CFAP95: variants seen among roughly 807,000 people sequenced by gnomAD.
The protein encoded by CFAP95 is cilia- and flagella-associated protein 95.
chr9:69,894,531 T>C, the CFAP95 span, among the ~76,000 whole-genome samples: 3 of 152,190 alleles, frequency 2.0e-5, no homozygotes, highest in Non-Finnish European at 4.4e-5. Flanking sequence ...CTGGCTTAGT[T>C]ATCTTACATG....
At chr9:69,901,148 T>C in the CFAP95 span, among the ~76,000 whole-genome samples, 1 of 151,588 alleles carries the variant, frequency 6.6e-6, no homozygotes, top group Non-Finnish European at 1.5e-5. Context: ...TTTGGTTTTT[T>C]TTTTTTTGAG....
the CFAP95 span, among the ~76,000 whole-genome samples, chr9:69,821,948 C>A: frequency 6.6e-6 from 1 of 152,088 alleles, no homozygotes; most frequent in Non-Finnish European, 1.5e-5. Flanking sequence ...CGTGTAAGTT[C>A]TTGCTTGGCC....
the CFAP95 span, among the ~76,000 whole-genome samples, chr9:69,892,835 A>T: frequency 6.6e-6 from 1 of 152,176 alleles, no homozygotes; most frequent in African/African-American, 2.4e-5. Context: ...TCAGCCAGGG[A>T]CAGCCGAACT....
the CFAP95 span, among the ~76,000 whole-genome samples, chr9:69,846,313 CA>C: frequency 6.6e-6 from 1 of 152,050 alleles, no homozygotes; most frequent in South Asian, 2.1e-4. Flanking sequence ...GGTCAAGCCT[CA>C]GGTTTAATGA....
At chr9:69,897,863 C>G in the CFAP95 span, among the ~76,000 whole-genome samples, 6 of 152,082 alleles carry the variant, frequency 3.9e-5, no homozygotes, top group African/African-American at 1.4e-4. Flanking sequence ...GAGGACCCTC[C>G]TTTAACATCC....
the CFAP95 span, among the ~76,000 whole-genome samples, chr9:69,901,167 T>TCAGCC: frequency 6.6e-6 from 1 of 151,384 alleles, no homozygotes; most frequent in African/African-American, 2.4e-5. Flanking sequence ...AGATGGAGTC[T>TCAGCC]TGCTCTGTCG....
the CFAP95 span, among the ~76,000 whole-genome samples, chr9:69,899,411 A>G: frequency 1.3e-5 from 2 of 152,236 alleles, no homozygotes; most frequent in African/African-American, 4.8e-5. Context: ...TCTTCAATCC[A>G]TTTAAAGCTT....
At chr9:69,837,193 G>A in the CFAP95 span, among the ~76,000 whole-genome samples, 1 of 152,106 alleles carries the variant, frequency 6.6e-6, no homozygotes, top group Non-Finnish European at 1.5e-5. Flanking sequence ...ATAAATATAC[G>A]TGTGCATGTG....
At chr9:69,857,016 C>T in the CFAP95 span, among the ~76,000 whole-genome samples, 1 of 150,586 alleles carries the variant, frequency 6.6e-6, no homozygotes, top group African/African-American at 2.4e-5. Context: ...TGTTTATAAC[C>T]CAGCTTGTTC....
chr9:69,896,294 A>G, the CFAP95 span, among the ~76,000 whole-genome samples: 3 of 152,242 alleles, frequency 2.0e-5, no homozygotes, highest in Admixed American at 2.0e-4. Flanking sequence ...AAACAAATAT[A>G]TCAACAGCTA....
chr9:69,879,485 G>A, the CFAP95 span, among the ~76,000 whole-genome samples: 3 of 152,088 alleles, frequency 2.0e-5, no homozygotes, highest in Admixed American at 2.0e-4. Flanking sequence ...GGTTCGGGGG[G>A]AAAAGCTATA....
chr9:69,825,998 C>T, the CFAP95 span, among the ~76,000 whole-genome samples: 3 of 152,092 alleles, frequency 2.0e-5, no homozygotes, highest in African/African-American at 4.8e-5. Flanking sequence ...GGGAGTTTCG[C>T]TTCCTGTCTC....
At chr9:69,833,537 T>C in the CFAP95 span, among the ~76,000 whole-genome samples, 7 of 152,122 alleles carry the variant, frequency 4.6e-5, no homozygotes, top group Admixed American at 2.0e-4. Flanking sequence ...ACATTTTCCA[T>C]TGTTTCCGGT....
chr9:69,854,846 G>A, the CFAP95 span, among the ~76,000 whole-genome samples: 7,372 of 152,216 alleles, frequency 0.048, 588 homozygotes, highest in African/African-American at 0.17. Flanking sequence ...CTATCAGGTG[G>A]CCCTCACTAC....
At chr9:69,851,329 C>T in the CFAP95 span, among the ~76,000 whole-genome samples, 1 of 152,124 alleles carries the variant, frequency 6.6e-6, no homozygotes, top group East Asian at 1.9e-4. Context: ...TGCTGTGCAG[C>T]TTCCTTAGGT....
At chr9:69,900,059 C>G in the CFAP95 span, among the ~76,000 whole-genome samples, 3 of 152,040 alleles carry the variant, frequency 2.0e-5, no homozygotes, top group East Asian at 1.9e-4. Context: ...GTATTAAATG[C>G]ATTTCACCTT....
At chr9:69,891,612 T>G in the CFAP95 span, among the ~76,000 whole-genome samples, 2 of 152,012 alleles carry the variant, frequency 1.3e-5, no homozygotes. Context: ...CCCCATGATA[T>G]GAAATTTACC....
the CFAP95 span, among the ~76,000 whole-genome samples, chr9:69,856,230 T>A: frequency 6.6e-6 from 1 of 152,218 alleles, no homozygotes; most frequent in Non-Finnish European, 1.5e-5. Flanking sequence ...AACATTTTCC[T>A]GCTTAGGGTA....
chr9:69,900,628 C>T, the CFAP95 span, among the ~76,000 whole-genome samples: 2 of 152,328 alleles, frequency 1.3e-5, no homozygotes, highest in South Asian at 4.1e-4. Flanking sequence ...CAGACAACTT[C>T]TGTGACTCTT....
Sources: allele counts gnomAD v4.1 joint callset (sites outside exome capture counted in the v4.1 genomes callset), GRCh38; gene constraint gnomAD v4.1.1; transcripts MANE v1.5; gene names NCBI Gene and HGNC (gene_info 2026-07-23, HGNC 2026-07-21).